Variants in GATA3 observed in about 807,000 individuals in gnomAD.
The protein encoded by GATA3 is trans-acting T-cell-specific transcription factor GATA-3.
Under a neutral mutation model 36.0 loss-of-function variants are expected in GATA3, and 6 were observed. The ratio of observed to expected loss-of-function variants is 0.17; its 90% confidence interval spans 0.09 to 0.33. The LOEUF is 0.33. GATA3 is among the 10% of genes least tolerant of loss of function. GATA3 has a pLI of 1.00. For synonymous variants in GATA3, 326 were observed against 273.0 expected (o/e 1.19, Z -1.92); for missense variants, 514 against 610.1 (o/e 0.84, Z 1.66).
chr10:8,060,515 A>T (rs1027984227), intron 3 of GATA3, among the ~76,000 whole-genome samples: 5 of 141,176 alleles, frequency 3.5e-5, no homozygotes. Flanking sequence ...TGAGGTTGTG[A>T]TGGGATTTCT....
chr10:8,072,023 G>A (rs570061324), intron 5 of GATA3, among the ~76,000 whole-genome samples: 20 of 152,176 alleles, frequency 1.3e-4, no homozygotes, highest in Non-Finnish European at 2.9e-4. Flanking sequence ...TCTGTAGGCT[G>A]CATCTTTATC....
upstream of GATA3, chr10:8,051,267 C>T (rs1049684402): frequency 8.8e-6 from 3 of 339,472 alleles, no homozygotes; most frequent in Admixed American, 1.1e-4. Flanking sequence ...CAAGAGGACA[C>T]ACATACCCCG....
chr10:8,050,923 C>A, upstream of GATA3: 2 of 463,016 alleles, frequency 4.3e-6, no homozygotes, highest in Admixed American at 2.5e-5. Flanking sequence ...AGCGCGCGGG[C>A]GCCCGGGGCC....
At chr10:8,061,356 G>A (rs1005637254) in intron 3 of GATA3, among the ~76,000 whole-genome samples, 1 of 152,140 alleles carries the variant, frequency 6.6e-6, no homozygotes, top group Non-Finnish European at 1.5e-5. Flanking sequence ...CTCCTGCCCT[G>A]CTCCCTACCC....
chr10:8,055,681 G>A lies in GATA3; in HGVS notation c.26G>A (p.Arg9His), dbSNP rs762722802. The A allele has an allele frequency of 2.6e-6, 4 of 1,558,194 alleles. No homozygotes were observed. Among genetic ancestry groups the A allele is most frequent in the Non-Finnish European group, 3.5e-6 (4 of 1,151,508 alleles). The change falls in exon 2 of 6, where the codon CGC becomes CAC. Residue 9 changes from arginine (R) to histidine (H), a missense_variant. By Grantham distance (29) the Arg-to-His change is conservative. Around this residue, in one of 3 missense-constraint regions of GATA3, gnomAD observed 381 missense variants for 354.3 expected, o/e 1.08. Coordinates refer to ENST00000379328, the MANE Select transcript of GATA3 (RefSeq NM_001002295.2). The surrounding 1 kb of genome is among the most constrained non-coding windows in gnomAD (Gnocchi z 5.4). Reference protein sequence around the residue: MEVTADQPRWVSHHHPAVL... With the variant: MEVTADQPHWVSHHHPAVL... ...ATGGAGGTGACGGCGGACCAGCCGC[G>A]CTGGGTGAGCCACCACCACCCCGCC...
In GATA3 at chr10:8,054,770, G is replaced by A. The variant is rs1588373414; in HGVS notation, c.-491G>A. Reference sequence around the variant, plus strand: ...AAAAAAAAAAAAAAATACTGAGAGAGGGAGAGAGAGAGAGAAGAAGAGAGA... The same window carrying A: ...AAAAAAAAAAAAAAATACTGAGAGAAGGAGAGAGAGAGAGAAGAAGAGAGA... On this transcript the variant is annotated 5_prime_UTR_variant, in exon 1 of 6. Transcript: ENST00000379328. This position sits in a 1 kb window ranked among gnomAD's most constrained non-coding sequence, Gnocchi z 4.2. 6.6e-6 allele frequency: 1 copy of A among 151,264 alleles called. No individual in the cohort carries two copies. Among genetic ancestry groups the A allele is most frequent in the Non-Finnish European group, 1.5e-5 (1 of 67,872 alleles). 9.4% of individuals were successfully genotyped at this position (151,264 alleles called of 1,614,324 possible).
upstream of GATA3, chr10:8,051,694 G>T (rs977241965): frequency 6.6e-6 from 1 of 152,524 alleles, no homozygotes; most frequent in Non-Finnish European, 1.5e-5. Flanking sequence ...GATCAGCTTT[G>T]TGGCGGTGGC....
In GATA3 at chr10:8,069,461, C is replaced by T. The variant is rs1378345367; in HGVS notation, c.925-12C>T. On this transcript the variant is annotated splice_polypyrimidine_tract_variant and intron_variant, in intron 4 of 5. Transcript: ENST00000379328. ...GTTTTGATTTCACCCTCTCCTCTCT[C>T]CCCACTCTCAGTCTGCAGCCAGGAG... 3 of 1,612,860 alleles carry T rather than the reference C, an allele frequency of 1.9e-6. No homozygotes were observed. The highest frequency in any genetic ancestry group is 1.1e-5 in the South Asian group (1 of 91,048).
At chr10:8,073,527 C>T (rs981936014) in intron 5 of GATA3, among the ~76,000 whole-genome samples, 11 of 151,974 alleles carry the variant, frequency 7.2e-5, no homozygotes, top group East Asian at 1.9e-4. Context: ...TCGTACTAGA[C>T]GGGGCTGTAA....
In GATA3 at chr10:8,058,592, C is replaced by A. The variant is rs1171972615; in HGVS notation, c.529C>A (p.Arg177=). Residue 177 remains arginine (R), a synonymous_variant, in exon 3 of 6, where the codon CGG becomes AGG. Transcript: ENST00000379328. ...LSTPGSAGSA[R]QDEKECLKYQ... is the part of the protein sequence containing the mutation. ...CACCCCAGGCTCGGCCGGCTCGGCCCGGCAGGACGAGAAAGAGTGCCTCAA... is the reference window on the plus strand; with the variant it reads ...CACCCCAGGCTCGGCCGGCTCGGCCAGGCAGGACGAGAAAGAGTGCCTCAA... 4.3e-6 allele frequency: 7 copies of A among 1,612,002 alleles called. No individual in the cohort carries two copies. Among genetic ancestry groups the A allele is most frequent in the East Asian group, 2.2e-5 (1 of 44,858 alleles).
chr10:8,055,268 C>T lies in GATA3; in HGVS notation c.-369-19C>T, dbSNP rs901466431. On this transcript the variant is annotated intron_variant, in intron 1 of 5. Transcript: ENST00000379328. The surrounding 1 kb of genome is among the most constrained non-coding windows in gnomAD (Gnocchi z 5.4). ...GCAACTCAGGGGCTCATCCAGGTCT[C>T]CCATTCTCTCCCTTGCAGGTGACCC... 8 of 376,300 alleles carry T rather than the reference C, an allele frequency of 2.1e-5. No homozygotes were observed. Among genetic ancestry groups the T allele is most frequent in the Middle Eastern group, 7.4e-4 (1 of 1,356 alleles). The allele number at this position is 376,300 out of a possible 1,614,324, so 23.3% of individuals were successfully genotyped here. A position where few individuals can be genotyped will look rare whatever the true frequency, so the allele number is the denominator to read the frequency against.
At chr10:8,050,881 G>T, upstream of GATA3, 1 of 456,884 alleles carries the variant, frequency 2.2e-6, no homozygotes, top group South Asian at 1.7e-5. Context: ...TTCGACCCCG[G>T]GGCTCCGCTT....
chr10:8,063,878 A>G (rs1832790020), intron 3 of GATA3, 115 bp from the exon 4 acceptor site: 7 of 1,407,836 alleles, frequency 5.0e-6, no homozygotes, highest in African/African-American at 1.4e-5. Context: ...TCCCCAAAAG[A>G]GGAGGGAGAA....
chr10:8,049,612 C>T (rs1466289852), upstream of GATA3, among the ~76,000 whole-genome samples: 3 of 152,146 alleles, frequency 2.0e-5, no homozygotes, highest in Non-Finnish European at 4.4e-5. Context: ...GAGCCGTGTC[C>T]CCGGCATAAC....
At chr10:8,069,707 C>A in intron 5 of GATA3, 109 bp downstream of exon 5, 1 of 1,317,248 alleles carries the variant, frequency 7.6e-7, no homozygotes, top group Non-Finnish European at 1.1e-6. Context: ...GGGCAGATGA[C>A]AGGTTCCAAA....
In GATA3 at chr10:8,065,011, A is replaced by T. The variant is rs893390004; in HGVS notation, c.924+873A>T. On this transcript the variant is annotated intron_variant, in intron 4 of 5. Coordinates refer to ENST00000379328, the MANE Select transcript of GATA3 (RefSeq NM_001002295.2). ...AATAGTGAATGTATGTGACAGACAA[A>T]TAACAACTCTAGCCACAGCTAAGAG... 1.1e-4 allele frequency among the ~76,000 whole-genome samples: 17 copies of T among 152,326 alleles called. No homozygotes were observed. The East Asian group carries it at 3.1e-3, about 28-fold the overall frequency.
At chr10:8,047,844 G>A (rs1158012743) in intron 1 of GATA3, among the ~76,000 whole-genome samples, 3 of 152,210 alleles carry the variant, frequency 2.0e-5, no homozygotes, top group Non-Finnish European at 4.4e-5. Context: ...GGGACCAAGG[G>A]AGGCCGGGAG....
chr10:8,047,316 T>G (rs566568654), intron 1 of GATA3, among the ~76,000 whole-genome samples: 1 of 152,278 alleles, frequency 6.6e-6, no homozygotes, highest in African/African-American at 2.4e-5. Flanking sequence ...GAATTAGGGA[T>G]CCTGATAAGG....
chr10:8,058,340 T>A lies in GATA3; in HGVS notation c.277T>A (p.Ser93Thr). Residue 93 changes from serine (S) to threonine (T), a missense_variant, in exon 3 of 6, where the codon TCC becomes ACC. Physicochemically the swap from Ser to Thr is moderately conservative, Grantham distance 58. Coordinates refer to ENST00000379328, the MANE Select transcript of GATA3 (RefSeq NM_001002295.2). ...QVCRPPLLHGSLPWLDGGKAL... is the reference protein window; with the variant it reads ...QVCRPPLLHGTLPWLDGGKAL... ...GTGCCGCCCGCCTCTGCTTCATGGA[T>A]CCCTACCCTGGCTGGACGGCGGCAA... 1 of 1,613,362 alleles carries A rather than the reference T, an allele frequency of 6.2e-7. No individual in the cohort carries two copies. The highest frequency in any genetic ancestry group is 8.5e-7 in the Non-Finnish European group (1 of 1,179,980).
Sources: gnomAD v4.1 joint callset for allele counts (sites outside exome capture counted in the v4.1 genomes callset) on GRCh38, gnomAD v4.1.1 for gene constraint, gnomAD v4.1.1 regional missense constraint, Gnocchi (gnomAD v3.1) non-coding constraint, MANE v1.5 for transcripts, NCBI Gene and HGNC (gene_info 2026-07-23, HGNC 2026-07-21) for gene names.